Variants in PHF21A observed in about 807,000 individuals in gnomAD.
The protein encoded by PHF21A is BHC80a.
Under a neutral mutation model 82.5 loss-of-function variants are expected in PHF21A, and 11 were observed. The observed-to-expected ratio is 0.13, with a 90% CI of 0.08 to 0.22. The LOEUF (loss-of-function observed/expected upper bound fraction) is 0.22, where lower values mean the gene tolerates loss of function less well. Among genes scored for constraint, PHF21A ranks in the 10% least tolerant of loss-of-function variants. The pLI is 1.00. For missense variants in PHF21A, 579 were observed against 837.8 expected (o/e 0.69, Z 3.81); for synonymous variants, 297 against 302.8 (o/e 0.98, Z 0.20).
rs894206683 is a variant in PHF21A, at chr11:46,046,826, C to G, written c.153+29928G>C. ...TGTCTGGACAAACGAGAGTAGTTTCCAAACACTGATCAAGGATTTCTCCCA... is the reference window on the plus strand; with the variant it reads ...TGTCTGGACAAACGAGAGTAGTTTCGAAACACTGATCAAGGATTTCTCCCA... On this transcript the variant is annotated intron_variant, in intron 6 of 18. Coordinates refer to ENST00000676320, the MANE Select transcript of PHF21A (RefSeq NM_001352027.3). Among the ~76,000 whole-genome samples, 6 of 152,112 alleles carry G rather than the reference C, an allele frequency of 3.9e-5. No homozygotes were observed. The East Asian group carries it at 1.2e-3, about 29-fold the overall frequency.
At chr11:45,988,561 A>G (rs2094572663) in intron 6 of PHF21A, among the ~76,000 whole-genome samples, 2 of 152,234 alleles carry the variant, frequency 1.3e-5, no homozygotes, top group Non-Finnish European at 2.9e-5. Context: ...AATCATCTAC[A>G]GTAATAGCAC....
At chr11:46,038,558 C>T (rs571250747) in intron 6 of PHF21A, among the ~76,000 whole-genome samples, 2 of 152,056 alleles carry the variant, frequency 1.3e-5, no homozygotes, top group Non-Finnish European at 2.9e-5. Context: ...TGATATAATA[C>T]CTGAAACTAG....
At chr11:46,006,752 GAATGTGAT>G (rs2095305512) in intron 6 of PHF21A, among the ~76,000 whole-genome samples, 1 of 152,206 alleles carries the variant, frequency 6.6e-6, no homozygotes, top group Non-Finnish European at 1.5e-5. Context: ...ACGCCTATTA[GAATGTGAT>G]ATACTTGCCT....
chr11:45,949,433 G>C lies in PHF21A; in HGVS notation c.1196C>G (p.Pro399Arg). The change falls in exon 13 of 19, where the codon CCG becomes CGG. Residue 399 changes from proline (P) to arginine (R), a missense_variant. Physicochemically the swap from Pro to Arg is moderately radical, Grantham distance 103. This residue lies in a region of PHF21A where 410 missense variants were observed against 642.1 expected (regional missense o/e 0.64). Coordinates refer to ENST00000676320, the MANE Select transcript of PHF21A (RefSeq NM_001352027.3). ...QERKRRTTAN[P>R]VYSGAVFEPE... Reference sequence around the variant, plus strand: ...CTCAAAGACTGCTCCACTGTAGACCGGATTTGCTGTTGTTCTTCTTTTTCG... The same window carrying C: ...CTCAAAGACTGCTCCACTGTAGACCCGATTTGCTGTTGTTCTTCTTTTTCG... The C allele has an allele frequency of 6.2e-7, 1 of 1,614,168 alleles. No individual in the cohort carries two copies. The highest frequency in any genetic ancestry group is 8.5e-7 in the Non-Finnish European group (1 of 1,180,002).
intron 7 of PHF21A, among the ~76,000 whole-genome samples, chr11:45,975,322 C>CAAAATAAAATAAAATAAAAT (rs58576083): frequency 5.9e-4 from 66 of 112,162 alleles, no homozygotes; most frequent in African/African-American, 1.8e-3. Flanking sequence ...TCAAAGAAAA[C>CAAAATAAAATAAAATAAAAT]AAAATAAAAT....
At chr11:46,051,065 T>C (rs1200468445) in intron 6 of PHF21A, among the ~76,000 whole-genome samples, 1 of 152,198 alleles carries the variant, frequency 6.6e-6, no homozygotes, top group Non-Finnish European at 1.5e-5. Context: ...TACTCCTTCC[T>C]GGGAAACAGC....
intron 2 of PHF21A, among the ~76,000 whole-genome samples, chr11:46,091,423 C>T (rs2130471): frequency 0.9 from 137,260 of 152,176 alleles, 62,067 homozygotes; most frequent in East Asian, 1. Context: ...ATTAAAAAAA[C>T]CTCTCAAAGT....
At position 45,993,147 on chromosome 11, in the gene PHF21A, T is replaced by G. The variant is rs139291696; in HGVS notation, c.154-13181A>C. Among the ~76,000 whole-genome samples the G allele has an allele frequency of 1.4e-4, 21 of 152,330 alleles. 1 individual carries two copies. The highest frequency in any genetic ancestry group is 5.1e-4 in the African/African-American group (21 of 41,574). On this transcript the variant is annotated intron_variant, in intron 6 of 18. Coordinates refer to ENST00000676320, the MANE Select transcript of PHF21A (RefSeq NM_001352027.3). Reference sequence around the variant, plus strand: ...TTTCAAAATCATTTAATTTACATGATTAAGAAAAAACAATTCATGTTATAA... The same window carrying G: ...TTTCAAAATCATTTAATTTACATGAGTAAGAAAAAACAATTCATGTTATAA...
chr11:46,068,462 C>T (rs549607056), intron 6 of PHF21A, among the ~76,000 whole-genome samples: 2 of 152,186 alleles, frequency 1.3e-5, no homozygotes, highest in East Asian at 1.9e-4. Flanking sequence ...AAAAAGCATT[C>T]GTTATTCACA....
Position 46,090,099 on chromosome 11 carries a change from T to C in PHF21A, c.-84+356A>G, listed in dbSNP as rs550609853. Among the ~76,000 whole-genome samples the C allele has an allele frequency of 1.3e-4, 20 of 151,422 alleles. No individual in the cohort carries two copies. In the South Asian group the frequency reaches 3.8e-3, roughly 28 times the overall value. On this transcript the variant is annotated intron_variant, in intron 3 of 18. Transcript: ENST00000676320. Reference sequence around the variant, plus strand: ...CGTCTACTAGATTATCCCAACCACATCCAACAAAAGGAAAACTGAGTAAAT... The same window carrying C: ...CGTCTACTAGATTATCCCAACCACACCCAACAAAAGGAAAACTGAGTAAAT...
At chr11:46,099,387 C>T (rs1466191807) in intron 1 of PHF21A, among the ~76,000 whole-genome samples, 1 of 152,024 alleles carries the variant, frequency 6.6e-6, no homozygotes, top group Admixed American at 6.6e-5. Flanking sequence ...CACAAGCTGC[C>T]GAGGATGAGC....
At chr11:45,989,509 A>AAAAAT in intron 6 of PHF21A, among the ~76,000 whole-genome samples, 1 of 148,978 alleles carries the variant, frequency 6.7e-6, no homozygotes, top group African/African-American at 2.5e-5. Flanking sequence ...AAAAAAAAAA[A>AAAAAT]ATACAAAAAA....
At position 45,979,962 on chromosome 11, in the gene PHF21A, C is replaced by T; in HGVS notation, c.158G>A (p.Arg53Lys). ...KITALSEKQKRVVEQLRKNLI... is the reference protein window; with the variant it reads ...KITALSEKQKKVVEQLRKNLI... ...GTTCTTCCGTAGCTGTTCAACTACT[C>T]TTTTCTACCAAATGAAGACAAAAAG... Residue 53 changes from arginine to lysine, a missense_variant, in exon 7 of 19, where the codon AGA (arginine) becomes AAA (lysine). This residue lies in a region of PHF21A where 410 missense variants were observed against 642.1 expected (regional missense o/e 0.64). Coordinates refer to ENST00000676320, the MANE Select transcript of PHF21A (RefSeq NM_001352027.3). 6.2e-7 allele frequency: 1 copy of T among 1,614,028 alleles called. No homozygotes were observed. The highest frequency in any genetic ancestry group is 8.5e-7 in the Non-Finnish European group (1 of 1,179,920).
chr11:46,065,322 G>A (rs2096581542), intron 6 of PHF21A, among the ~76,000 whole-genome samples: 1 of 152,146 alleles, frequency 6.6e-6, no homozygotes, highest in South Asian at 2.1e-4. Flanking sequence ...ATCATAAAAA[G>A]AGATATTTAA....
chr11:45,984,559 T>G (rs972568018), intron 6 of PHF21A, among the ~76,000 whole-genome samples: 42 of 152,336 alleles, frequency 2.8e-4, no homozygotes, highest in African/African-American at 9.9e-4. Flanking sequence ...TACGGAATTT[T>G]ATAGGTCTAA....
intron 7 of PHF21A, among the ~76,000 whole-genome samples, chr11:45,979,345 T>C (rs1469521940): frequency 6.6e-6 from 1 of 152,158 alleles, no homozygotes; most frequent in Non-Finnish European, 1.5e-5. Context: ...TGCTTCTTTC[T>C]ATCTGGTCCC....
At chr11:45,997,386 TA>T (rs1413855093) in intron 6 of PHF21A, among the ~76,000 whole-genome samples, 1 of 152,100 alleles carries the variant, frequency 6.6e-6, no homozygotes, top group Non-Finnish European at 1.5e-5. Context: ...AAAATCCAAA[TA>T]TAAAGGACAT....
intron 10 of PHF21A, among the ~76,000 whole-genome samples, chr11:45,957,251 T>C (rs961821869): frequency 5.9e-5 from 9 of 152,102 alleles, no homozygotes; most frequent in African/African-American, 1.9e-4. Context: ...AAAAAGGACA[T>C]AGGGAACTTG....
At chr11:46,029,209 C>T (rs1445661469) in intron 6 of PHF21A, among the ~76,000 whole-genome samples, 1 of 152,178 alleles carries the variant, frequency 6.6e-6, no homozygotes, top group Non-Finnish European at 1.5e-5. Flanking sequence ...TGTGGAAATG[C>T]TCTTTCACTG....
Sources: allele counts gnomAD v4.1 joint callset (sites outside exome capture counted in the v4.1 genomes callset), GRCh38; gene constraint gnomAD v4.1.1; regional missense constraint gnomAD v4.1.1; transcripts MANE v1.5; gene names NCBI Gene and HGNC (gene_info 2026-07-23, HGNC 2026-07-21).